RASAL2: variants seen among roughly 807,000 people sequenced by gnomAD.
The protein encoded by RASAL2 is RAS protein activator like 2.
RASAL2 carries 58 observed loss-of-function variants against 128.9 expected under a neutral mutation model. That is an observed-to-expected ratio of 0.45 (90% CI 0.36 to 0.56). The LOEUF (loss-of-function observed/expected upper bound fraction) is 0.56, where lower values mean the gene tolerates loss of function less well. RASAL2 is among the 20% of genes least tolerant of loss of function. The pLI, the probability that RASAL2 is intolerant of heterozygous loss-of-function variation, is 0.00. For synonymous variants in RASAL2, 561 were observed against 580.8 expected, an observed-to-expected ratio of 0.97 and a Z score of 0.49; for missense variants, 1,360 against 1,601.6, an observed-to-expected ratio of 0.85 and a Z score of 2.57.
chr1:178,135,327 T>TA lies in RASAL2; in HGVS notation c.202+40636dup, dbSNP rs1169855183. On this transcript the variant is annotated intron_variant, in intron 1 of 17. Transcript: ENST00000367649. The stretch of plus-strand genomic sequence containing the variant: ...CCTTGATGGAGCTTATGTTGAGAAA[T>TA]AAAGTTTATACTTTCTATTTTCATC... Among the ~76,000 whole-genome samples the TA allele has an allele frequency of 5.9e-5, 9 of 152,264 alleles. No homozygotes were observed. In the East Asian group the frequency reaches 1.5e-3, roughly 26 times the overall value.
At chr1:178,119,528 A>G (rs1659638851) in intron 1 of RASAL2, among the ~76,000 whole-genome samples, 1 of 152,210 alleles carries the variant, frequency 6.6e-6, no homozygotes, top group African/African-American at 2.4e-5. Flanking sequence ...CTTTGACCCA[A>G]GTAGTGAAAC....
intron 3 of RASAL2, among the ~76,000 whole-genome samples, chr1:178,388,266 A>G (rs1672698991): frequency 6.6e-6 from 1 of 152,200 alleles, no homozygotes; most frequent in Non-Finnish European, 1.5e-5. Context: ...CTGTAAAGTC[A>G]TATTCCTGAA....
chr1:178,284,844 A>G (rs192105556), intron 2 of RASAL2, among the ~76,000 whole-genome samples: 234 of 152,328 alleles, frequency 1.5e-3, no homozygotes, highest in African/African-American at 5.5e-3. Context: ...TATATAAATA[A>G]CTAGAAAGAT....
intron 1 of RASAL2, among the ~76,000 whole-genome samples, chr1:178,153,664 A>G (rs1356890804): frequency 6.6e-6 from 1 of 152,160 alleles, no homozygotes; most frequent in Non-Finnish European, 1.5e-5. Context: ...ATAGTATTCC[A>G]TTGTATGAAT....
At chr1:178,274,737 G>A (rs1262486164) in intron 1 of RASAL2, among the ~76,000 whole-genome samples, 1 of 152,010 alleles carries the variant, frequency 6.6e-6, no homozygotes, top group African/African-American at 2.4e-5. Context: ...AAAGGTGCAA[G>A]CCACCACACC....
intron 3 of RASAL2, among the ~76,000 whole-genome samples, chr1:178,329,484 G>T (rs1669189001): frequency 6.6e-6 from 1 of 152,152 alleles, no homozygotes; most frequent in Non-Finnish European, 1.5e-5. Flanking sequence ...CACAATGGGA[G>T]AGACCCTTCT....
intron 1 of RASAL2, among the ~76,000 whole-genome samples, chr1:178,136,423 A>G (rs529876624): frequency 7.2e-5 from 11 of 152,098 alleles, no homozygotes; most frequent in Non-Finnish European, 1.5e-4. Flanking sequence ...AAATTATGTG[A>G]AGGGTTTCCC....
chr1:178,208,525 G>A (rs113422989), intron 1 of RASAL2, among the ~76,000 whole-genome samples: 7,573 of 152,148 alleles, frequency 0.05, 270 homozygotes, highest in African/African-American at 0.1. Flanking sequence ...CTCTGCTCTC[G>A]AACCCTGTTC....
chr1:178,206,359 C>T (rs1663046552), intron 1 of RASAL2, among the ~76,000 whole-genome samples: 1 of 152,174 alleles, frequency 6.6e-6, no homozygotes, highest in South Asian at 2.1e-4. Flanking sequence ...TCAAGCTTTC[C>T]CTTTCTACTA....
At chr1:178,391,754 A>C (rs1228949003) in intron 4 of RASAL2, among the ~76,000 whole-genome samples, 1 of 152,230 alleles carries the variant, frequency 6.6e-6, no homozygotes, top group Non-Finnish European at 1.5e-5. Flanking sequence ...AAAAGGAGTC[A>C]GACTTTGAGA....
At chr1:178,395,253 G>A (rs1390227962) in intron 4 of RASAL2, among the ~76,000 whole-genome samples, 3 of 152,142 alleles carry the variant, frequency 2.0e-5, no homozygotes, top group African/African-American at 7.2e-5. Context: ...AAAGGTCCCA[G>A]ATGATTCTAA....
At chr1:178,217,122 C>T (rs938077895) in intron 1 of RASAL2, among the ~76,000 whole-genome samples, 1 of 151,930 alleles carries the variant, frequency 6.6e-6, no homozygotes. Context: ...ATTATAGGCA[C>T]GCACCACCAC....
intron 1 of RASAL2, among the ~76,000 whole-genome samples, chr1:178,178,518 G>C (rs1031568927): frequency 3.9e-5 from 6 of 152,030 alleles, no homozygotes; most frequent in African/African-American, 1.4e-4. Flanking sequence ...TATAGTTGAG[G>C]GATTTTGCTC....
intron 1 of RASAL2, among the ~76,000 whole-genome samples, chr1:178,154,293 T>G (rs1004815700): frequency 6.6e-6 from 1 of 152,062 alleles, no homozygotes; most frequent in Non-Finnish European, 1.5e-5. Context: ...ACTATAACTA[T>G]GCATCACCAC....
chr1:178,263,588 C>T (rs547544305), intron 1 of RASAL2, among the ~76,000 whole-genome samples: 1 of 152,294 alleles, frequency 6.6e-6, no homozygotes, highest in African/African-American at 2.4e-5. Flanking sequence ...AAATTGCTCT[C>T]AACTCTTTCT....
At chr1:178,193,643 T>C (rs942435376) in intron 1 of RASAL2, among the ~76,000 whole-genome samples, 11 of 152,138 alleles carry the variant, frequency 7.2e-5, no homozygotes, top group South Asian at 2.1e-4. Flanking sequence ...GTAGTTGATA[T>C]ATTATTTCCC....
intron 1 of RASAL2, among the ~76,000 whole-genome samples, chr1:178,120,347 A>C (rs1237023797): frequency 2.6e-5 from 4 of 152,202 alleles, no homozygotes; most frequent in African/African-American, 9.7e-5. Flanking sequence ...GTTTTCAAAG[A>C]AGCTCTCCAG....
At chr1:178,198,460 G>T (rs936856638) in intron 1 of RASAL2, among the ~76,000 whole-genome samples, 1 of 152,190 alleles carries the variant, frequency 6.6e-6, no homozygotes, top group Non-Finnish European at 1.5e-5. Context: ...TGATGATGGT[G>T]ACCTACAGAT....
chr1:178,156,205 T>C (rs1284576509), intron 1 of RASAL2, among the ~76,000 whole-genome samples: 1 of 152,202 alleles, frequency 6.6e-6, no homozygotes, highest in Admixed American at 6.5e-5. Context: ...TATTTGCTGC[T>C]GAAAGCTTAT....
Sources: allele counts gnomAD v4.1 joint callset (sites outside exome capture counted in the v4.1 genomes callset), GRCh38; gene constraint gnomAD v4.1.1; transcripts MANE v1.5; gene names NCBI Gene and HGNC (gene_info 2026-07-23, HGNC 2026-07-21).